Variants in SMCHD1 observed in about 807,000 individuals in gnomAD.
SMCHD1 encodes the protein structural maintenance of chromosomes flexible hinge domain-containing protein 1.
In SMCHD1, 78 loss-of-function variants were observed where a neutral mutation model predicts 254.7. The observed-to-expected ratio is 0.31, with a 90% CI of 0.26 to 0.37. SMCHD1 has a LOEUF of 0.37. Among genes scored for constraint, SMCHD1 ranks in the 10% least tolerant of loss-of-function variants. The probability of loss-of-function intolerance (pLI) is 1.00; values close to 1 mark genes in which losing one functional copy is unlikely to be tolerated. For synonymous variants in SMCHD1, 766 were observed against 794.9 expected (o/e 0.96, Z 0.61); for missense variants, 1,840 against 2,408.1 (o/e 0.76, Z 4.94).
At chr18:2,719,295 CTT>C (rs2074873010) in intron 19 of SMCHD1, among the ~76,000 whole-genome samples, 1 of 150,456 alleles carries the variant, frequency 6.6e-6, no homozygotes, top group African/African-American at 2.5e-5. Context: ...CCTCTCCCCT[CTT>C]TTCTTTTCTT....
chr18:2,789,515 C>CTTT (rs1555657062), intron 45 of SMCHD1, among the ~76,000 whole-genome samples: 1 of 152,078 alleles, frequency 6.6e-6, no homozygotes, highest in Non-Finnish European at 1.5e-5. Flanking sequence ...AGAGAGTAGA[C>CTTT]CTGTTTTTTT....
chr18:2,796,033 C>T lies in SMCHD1; in HGVS notation c.5804C>T (p.Thr1935Ile). The T allele has an allele frequency of 6.3e-7, 1 of 1,590,744 alleles. No homozygotes were observed. Among genetic ancestry groups the T allele is most frequent in the Non-Finnish European group, 8.6e-7 (1 of 1,168,206 alleles). The change falls in exon 46 of 48, where the codon ACT becomes ATT. Residue 1935 changes from threonine to isoleucine, a missense_variant. Physicochemically the swap from Thr to Ile is moderately conservative, Grantham distance 89. This residue lies in a region of SMCHD1 where 132 missense variants were observed against 138.2 expected (regional missense o/e 0.95). Transcript: ENST00000320876. ...DLNSQLEYLR[T>I]PDMRKKKQEL... is the part of the protein sequence containing the mutation. ...AACAGTCAATTAGAGTACCTTCGCA[C>T]TCCGGATATGAGGAAGAAAAAGCAA...
chr18:2,752,582 T>C, intron 34 of SMCHD1, 30 bp downstream of exon 34: 1 of 1,402,724 alleles, frequency 7.1e-7, no homozygotes, highest in Non-Finnish European at 1.0e-6. Context: ...ATATTTTGAA[T>C]ACATATCTTG....
chr18:2,722,804 T>G, intron 20 of SMCHD1, 141 bp downstream of exon 20: 1 of 694,518 alleles, frequency 1.4e-6, no homozygotes, highest in Non-Finnish European at 2.2e-6. Context: ...ATCTGGGTAA[T>G]TTAGCTCCAA....
At chr18:2,778,043 A>C (rs376169947) in intron 43 of SMCHD1, 126 bp from the exon 44 acceptor site, 43 of 988,980 alleles carry the variant, frequency 4.3e-5, no homozygotes, top group Middle Eastern at 4.8e-4. Context: ...CAGTTTTTTT[A>C]GAGTACAAAT....
intron 25 of SMCHD1, among the ~76,000 whole-genome samples, chr18:2,736,274 C>T (rs2080662): frequency 0.19 from 29,504 of 152,124 alleles, 3,108 homozygotes; most frequent in South Asian, 0.27. Context: ...GGATTAAAGA[C>T]TTAAATGTAA....
At position 2,705,833 on chromosome 18, in the gene SMCHD1, C is replaced by G. The variant is rs749847707; in HGVS notation, c.1956+26C>G. The stretch of plus-strand genomic sequence containing the variant: ...GTAAGACAGCAAGTGATAAAACATA[C>G]TGAAAGTTTCTTGATAACACTTTTG... On this transcript the variant is annotated intron_variant, in intron 14 of 47. Coordinates refer to ENST00000320876, the MANE Select transcript of SMCHD1 (RefSeq NM_015295.3). 3 of 1,341,890 alleles carry G rather than the reference C, an allele frequency of 2.2e-6. No individual in the cohort carries two copies. In the African/African-American group the frequency reaches 4.3e-5, roughly 19 times the overall value. The allele number at this position is 1,341,890 out of a possible 1,614,324, so 83.1% of individuals were successfully genotyped here.
intron 5 of SMCHD1, among the ~76,000 whole-genome samples, chr18:2,678,822 GTT>G (rs572937755): frequency 0.019 from 2,678 of 144,698 alleles, 39 homozygotes; most frequent in Middle Eastern, 0.096. Context: ...TCCGTTTTTT[GTT>G]TTTTTTTTTT....
intron 34 of SMCHD1, 27 bp downstream of exon 34, chr18:2,752,579 G>T (rs376457967): frequency 4.2e-6 from 6 of 1,421,774 alleles, no homozygotes; most frequent in South Asian, 1.2e-5. Flanking sequence ...TTCATATTTT[G>T]AATACATATC....
At chr18:2,678,567 T>C (rs1171203262) in intron 5 of SMCHD1, among the ~76,000 whole-genome samples, 1 of 152,152 alleles carries the variant, frequency 6.6e-6, no homozygotes, top group African/African-American at 2.4e-5. Flanking sequence ...TCCGCCCACC[T>C]CGGCCTCCCA....
intron 30 of SMCHD1, among the ~76,000 whole-genome samples, chr18:2,747,866 A>G (rs1388465266): frequency 1.3e-5 from 2 of 152,222 alleles, no homozygotes; most frequent in Admixed American, 6.5e-5. Flanking sequence ...TTGTACAGTT[A>G]TGGCTGTTTT....
intron 23 of SMCHD1, 138 bp downstream of exon 23, chr18:2,728,734 T>A: frequency 6.0e-6 from 5 of 828,372 alleles, no homozygotes; most frequent in Non-Finnish European, 8.1e-6. Flanking sequence ...GGGATCTTAT[T>A]GCCAATAGTT....
intron 20 of SMCHD1, 52 bp from the exon 21 acceptor site, chr18:2,724,847 A>C (rs2074994488): frequency 1.0e-6 from 1 of 962,930 alleles, no homozygotes; most frequent in South Asian, 2.2e-5. Context: ...ACACATTTGC[A>C]GCTTACTTGT....
At chr18:2,721,193 A>G (rs1474454694) in intron 19 of SMCHD1, among the ~76,000 whole-genome samples, 1 of 152,036 alleles carries the variant, frequency 6.6e-6, no homozygotes, top group Admixed American at 6.6e-5. Flanking sequence ...TTGTTTGAGT[A>G]TTTGATGTTC....
At chr18:2,686,827 G>T (rs779480172) in intron 5 of SMCHD1, among the ~76,000 whole-genome samples, 5 of 152,020 alleles carry the variant, frequency 3.3e-5, no homozygotes, top group South Asian at 2.1e-4. Flanking sequence ...CCTGGTCAAT[G>T]TTGTCTTTAT....
At chr18:2,756,680 C>T (rs621738) in intron 34 of SMCHD1, among the ~76,000 whole-genome samples, 57,829 of 151,918 alleles carry the variant, frequency 0.38, 11,621 homozygotes, top group Non-Finnish European at 0.45. Context: ...ACTGCAACCT[C>T]CACCTCCCTG....
intron 34 of SMCHD1, among the ~76,000 whole-genome samples, chr18:2,754,102 A>G (rs920511803): frequency 2.0e-5 from 3 of 152,158 alleles, no homozygotes; most frequent in Non-Finnish European, 2.9e-5. Context: ...ATCTTTGCCT[A>G]TCCTGTGGCT....
At chr18:2,678,240 TTTCG>T (rs1290625538) in intron 5 of SMCHD1, among the ~76,000 whole-genome samples, 30 of 99,420 alleles carry the variant, frequency 3.0e-4, no homozygotes, top group Non-Finnish European at 5.6e-4. Flanking sequence ...TCTTTCTTTC[TTTCG>T]TTCTTTCTTT....
At chr18:2,693,098 T>G (rs187689521) in intron 7 of SMCHD1, among the ~76,000 whole-genome samples, 9 of 152,376 alleles carry the variant, frequency 5.9e-5, no homozygotes, top group South Asian at 4.1e-4. Flanking sequence ...TCAGAAATTT[T>G]AGAATTTGAT....
Sources: allele counts gnomAD v4.1 joint callset (sites outside exome capture counted in the v4.1 genomes callset), GRCh38; gene constraint gnomAD v4.1.1; regional missense constraint gnomAD v4.1.1; transcripts MANE v1.5; gene names NCBI Gene and HGNC (gene_info 2026-07-23, HGNC 2026-07-21).